Variants in PAPLN observed in about 807,000 individuals in gnomAD.
PAPLN encodes the protein papilin, proteoglycan like sulfated glycoprotein.
In PAPLN, 146 loss-of-function variants were observed where a neutral mutation model predicts 159.0. That is an observed-to-expected ratio of 0.92 (90% CI 0.80 to 1.05). The LOEUF (loss-of-function observed/expected upper bound fraction) is 1.05. PAPLN is among the 50% of genes least tolerant of loss of function. The pLI, the probability that PAPLN is intolerant of heterozygous loss-of-function variation, is 0.00. For synonymous variants in PAPLN, 734 were observed against 702.9 expected, an observed-to-expected ratio of 1.04 and a Z score of -0.70; for missense variants, 1,720 against 1,743.9, an observed-to-expected ratio of 0.99 and a Z score of 0.24.
chr14:73,247,925 TGTGTGTGTGTTGTG>T (rs1884719515), intron 5 of PAPLN, among the ~76,000 whole-genome samples: 2 of 85,300 alleles, frequency 2.3e-5, no homozygotes, highest in Non-Finnish European at 4.9e-5. Context: ...TGTGTGTGTG[TGTGTGTGTGTTGTG>T]GGGACCGTGG....
intron 5 of PAPLN, 135 bp from the exon 6 acceptor site, chr14:73,249,849 C>CGG: frequency 1.0e-6 from 1 of 953,850 alleles, no homozygotes; most frequent in East Asian, 3.2e-5. Context: ...GGGGATGGGG[C>CGG]GGGGATCTGT....
rs1884248058 is a variant in PAPLN at position 73,246,064 on chromosome 14, G to A, written c.232-9G>A. ...CCTCCTGGATCCCGACTTCCCCTCC[G>A]CCCCGCAGAGCTGCCCCGACGGCGC... is the stretch of plus-strand genomic sequence containing the variant. On this transcript the variant is annotated splice_polypyrimidine_tract_variant and intron_variant, in intron 4 of 26. Coordinates refer to ENST00000644200, the MANE Select transcript of PAPLN (RefSeq NM_001365906.3). 4 of 1,529,576 alleles carry A rather than the reference G, an allele frequency of 2.6e-6. No homozygotes were observed. The highest frequency in any genetic ancestry group is 1.2e-5 in the South Asian group (1 of 82,958). The allele number at this position is 1,529,576 out of a possible 1,614,324, so 94.8% of individuals were successfully genotyped here.
rs141274242 is a variant in PAPLN, at chr14:73,245,617, C to T, written c.171-19C>T. ...ACGTTGGGTCTCGGTCAGGTCTTCC[C>T]GGTGCTCTGGTCCCGCAGGAGAGAT... On this transcript the variant is annotated intron_variant, in intron 3 of 26. Transcript: ENST00000644200. The surrounding 1 kb of genome is among the most constrained non-coding windows in gnomAD (Gnocchi z 4.2). The T allele has an allele frequency of 7.1e-6, 11 of 1,553,596 alleles. No homozygotes were observed. Among genetic ancestry groups the T allele is most frequent in the Middle Eastern group, 3.3e-4 (2 of 5,990 alleles).
At chr14:73,258,052 C>T (rs1475410739) in intron 14 of PAPLN, among the ~76,000 whole-genome samples, 2 of 152,066 alleles carry the variant, frequency 1.3e-5, no homozygotes, top group South Asian at 2.1e-4. Flanking sequence ...GGCGGGAGCC[C>T]GTGCTTCGCT....
In PAPLN at chr14:73,246,154, C is replaced by T. The variant is rs755902550; in HGVS notation, c.313C>T (p.Arg105Trp). 1.1e-5 allele frequency: 17 copies of T among 1,589,228 alleles called. No individual in the cohort carries two copies. The highest frequency in any genetic ancestry group is 1.4e-5 in the African/African-American group (1 of 72,348). Residue 105 changes from arginine to tryptophan, a missense_variant, in exon 5 of 27, where the codon CGG becomes TGG. By Grantham distance (101) the Arg-to-Trp change is moderately radical. Coordinates refer to ENST00000644200, the MANE Select transcript of PAPLN (RefSeq NM_001365906.3). ...AGCGGAGTTCCAGGGGCGGCGGTAT[C>T]GGTGGCTGCCCTACTACAGCGGTGA... Reference protein sequence around the residue: ...DGAEFQGRRYRWLPYYSAPNK... With the variant: ...DGAEFQGRRYWWLPYYSAPNK...
chr14:73,239,487 T>A, intron 1 of PAPLN: 1 of 440,372 alleles, frequency 2.3e-6, no homozygotes, highest in South Asian at 4.3e-5. Flanking sequence ...TAGAAGTATT[T>A]TTAATTGCTC....
chr14:73,262,105 T>C, intron 18 of PAPLN: 1 of 452,196 alleles, frequency 2.2e-6, no homozygotes, highest in Middle Eastern at 5.5e-4. Context: ...GGCCCTGACC[T>C]CCCAGAGGCT....
chr14:73,264,779 G>A (rs1796780679), intron 22 of PAPLN, 53 bp downstream of exon 22: 6 of 1,606,660 alleles, frequency 3.7e-6, no homozygotes, highest in Non-Finnish European at 5.1e-6. Flanking sequence ...GCCAGGGCCG[G>A]GGGTCTCAGT....
chr14:73,247,774 G>T (rs574743316), intron 5 of PAPLN, among the ~76,000 whole-genome samples: 1 of 137,532 alleles, frequency 7.3e-6, no homozygotes, highest in African/African-American at 2.8e-5. Context: ...CAGTGGGCGT[G>T]GCCCAGTGGG....
Position 73,259,078 on chromosome 14 carries a change from C to A in PAPLN, c.1708+19C>A. The A allele has an allele frequency of 1.9e-6, 3 of 1,601,470 alleles. No individual in the cohort carries two copies. Among genetic ancestry groups the A allele is most frequent in the South Asian group, 2.2e-5 (2 of 89,212 alleles). ...GCCTCAGGTGAGAGCCTGGTCCCGT[C>A]CCCCACTCAGAGCCCTGTAGTTTTT... On this transcript the variant is annotated intron_variant, in intron 15 of 26. Transcript: ENST00000644200.
intron 1 of PAPLN, among the ~76,000 whole-genome samples, chr14:73,238,723 C>T (rs1883223137): frequency 6.6e-6 from 1 of 152,214 alleles, no homozygotes; most frequent in Non-Finnish European, 1.5e-5. Context: ...AAAATAATGA[C>T]TCAATGACTC....
rs1029960340 is a variant in PAPLN at position 73,250,020 on chromosome 14, G to C, written c.371G>C (p.Gly124Ala). 4 of 1,612,564 alleles carry C rather than the reference G, an allele frequency of 2.5e-6. No homozygotes were observed. The highest frequency in any genetic ancestry group is 1.3e-5 in the African/African-American group (1 of 74,830). ...TGTGAACTGAACTGCATTCCCAAGG[G>C]GGAGAACTTCTACTACAAGCACAGG... ...NKCELNCIPK[G>A]ENFYYKHREA... The change falls in exon 6 of 27, where the codon GGG (glycine) becomes GCG (alanine). Residue 124 changes from glycine (G) to alanine (A), a missense_variant. Coordinates refer to ENST00000644200, the MANE Select transcript of PAPLN (RefSeq NM_001365906.3).
intron 11 of PAPLN, chr14:73,253,174 C>A: frequency 7.3e-7 from 1 of 1,365,446 alleles, no homozygotes; most frequent in East Asian, 4.4e-5. Context: ...CTCTTACCTG[C>A]ACCGGCCTGG....
Position 73,254,526 on chromosome 14 carries a change from G to A in PAPLN, c.1316G>A (p.Cys439Tyr), listed in dbSNP as rs897073150. 5 of 1,614,010 alleles carry A rather than the reference G, an allele frequency of 3.1e-6. No individual in the cohort carries two copies. The highest frequency in any genetic ancestry group is 3.3e-5 in the Admixed American group (2 of 60,012). The change falls in exon 13 of 27, where the codon TGT becomes TAT. Residue 439 changes from cysteine (C) to tyrosine (Y), a missense_variant. Coordinates refer to ENST00000644200, the MANE Select transcript of PAPLN (RefSeq NM_001365906.3). Reference sequence around the variant, plus strand: ...TTGTCCTTGCAGTGTTCTGTCAGTTGTGGCGTTGGCGTCCGGAAGCGGAGC... The same window carrying A: ...TTGTCCTTGCAGTGTTCTGTCAGTTATGGCGTTGGCGTCCGGAAGCGGAGC... ...PEPWGECSVSCGVGVRKRSVT... is the reference protein window; with the variant it reads ...PEPWGECSVSYGVGVRKRSVT...
intron 19 of PAPLN, chr14:73,263,129 G>A (rs542060913): frequency 2.7e-4 from 101 of 369,318 alleles, no homozygotes; most frequent in East Asian, 4.9e-4. Flanking sequence ...TATTGGCTTC[G>A]TGACCTTTGG....
At position 73,262,632 on chromosome 14, in the gene PAPLN, CA is replaced by C. The variant is rs1886714634; in HGVS notation, c.2529del (p.Ala845ProfsTer119). 1 of 1,525,788 alleles carries C rather than the reference CA, an allele frequency of 6.6e-7. No homozygotes were observed. The highest frequency in any genetic ancestry group is 1.4e-5 in the African/African-American group (1 of 73,096). 94.5% of individuals were successfully genotyped at this position (1,525,788 alleles called of 1,614,324 possible). A position where few individuals can be genotyped will look rare whatever the true frequency, so the allele number is the denominator to read the frequency against. On this transcript the variant is annotated frameshift_variant, in exon 19 of 27. Coordinates refer to ENST00000644200, the MANE Select transcript of PAPLN (RefSeq NM_001365906.3). LOFTEE classifies it high-confidence loss of function. Reference protein sequence around the residue: ...AGEQEPSQHRTGAAVQRKPWP... With the variant: ...AGEQEPSQHRXGAAVQRKPWP... ...GAGCAGGAACCCAGCCAGCACAGGACAGGGGCCGCGGTGCAGAGAAAGCCCT... is the reference window on the plus strand; with the variant it reads ...GAGCAGGAACCCAGCCAGCACAGGACGGGGCCGCGGTGCAGAGAAAGCCCT...
intron 5 of PAPLN, chr14:73,249,668 C>G (rs946325451): frequency 3.2e-5 from 4 of 124,060 alleles, no homozygotes; most frequent in African/African-American, 1.4e-4. Context: ...GAGCGAGACT[C>G]CACCTCAAAA....
chr14:73,260,665 T>G, intron 16 of PAPLN, 44 bp from the exon 17 acceptor site: 1 of 1,399,208 alleles, frequency 7.1e-7, no homozygotes, highest in Non-Finnish European at 9.3e-7. Context: ...GCAGGGAGCG[T>G]GGGGGCAGGC....
Position 73,274,436 on chromosome 14 carries a change from G to A in PAPLN, c.*1772G>A, listed in dbSNP as rs559452412. 2 of 152,342 alleles carry A rather than the reference G, an allele frequency of 1.3e-5. No individual in the cohort carries two copies. Among genetic ancestry groups the A allele is most frequent in the Admixed American group, 6.5e-5 (1 of 15,298 alleles). 9.4% of individuals were successfully genotyped at this position (152,342 alleles called of 1,614,324 possible). Reference sequence around the variant, plus strand: ...ACTTTTATTACCAACACACTGGCTGGAAAAGGGACAAACCACATCACGGGT... The same window carrying A: ...ACTTTTATTACCAACACACTGGCTGAAAAAGGGACAAACCACATCACGGGT... On this transcript the variant is annotated 3_prime_UTR_variant, in exon 27 of 27. Coordinates refer to ENST00000644200, the MANE Select transcript of PAPLN (RefSeq NM_001365906.3).
Sources: gnomAD v4.1 joint callset for allele counts (sites outside exome capture counted in the v4.1 genomes callset) on GRCh38, gnomAD v4.1.1 for gene constraint, Gnocchi (gnomAD v3.1) non-coding constraint, MANE v1.5 for transcripts, NCBI Gene and HGNC (gene_info 2026-07-23, HGNC 2026-07-21) for gene names.